NKAIN3: variants seen among roughly 807,000 people sequenced by gnomAD.
NKAIN3 encodes the protein sodium/potassium-transporting ATPase subunit beta-1-interacting protein 3.
A neutral mutation model predicts 30.2 loss-of-function variants in NKAIN3; 25 were observed. The observed-to-expected ratio is 0.83, with a 90% CI of 0.60 to 1.16. The LOEUF (loss-of-function observed/expected upper bound fraction) is 1.16, where lower values mean the gene tolerates loss of function less well. Ranked by LOEUF, NKAIN3 falls within the 50% of genes most tolerant of loss-of-function variation. NKAIN3 has a pLI of 0.00. For synonymous variants in NKAIN3, 91 were observed against 89.6 expected (o/e 1.02, Z -0.09); for missense variants, 225 against 254.1 (o/e 0.89, Z 0.78).
chr8:62,451,797 T>C (rs1382864171), intron 1 of NKAIN3, among the ~76,000 whole-genome samples: 1 of 152,194 alleles, frequency 6.6e-6, no homozygotes, highest in Non-Finnish European at 1.5e-5. Context: ...CAGATTTGTA[T>C]AATATTAAAG....
chr8:62,376,020 C>G (rs1434990424), intron 1 of NKAIN3, among the ~76,000 whole-genome samples: 3 of 152,182 alleles, frequency 2.0e-5, no homozygotes, highest in African/African-American at 7.2e-5. Context: ...TGCAATCTCT[C>G]TCCTAATGGT....
At chr8:62,924,325 C>T (rs527717655) in intron 5 of NKAIN3, among the ~76,000 whole-genome samples, 3 of 152,184 alleles carry the variant, frequency 2.0e-5, no homozygotes, top group Non-Finnish European at 4.4e-5. Flanking sequence ...TTGTGAGATG[C>T]TTTCACTGCA....
intron 1 of NKAIN3, among the ~76,000 whole-genome samples, chr8:62,321,279 C>A (rs577428294): frequency 1.3e-4 from 20 of 152,260 alleles, no homozygotes; most frequent in African/African-American, 4.8e-4. Flanking sequence ...TGGGTTCGAA[C>A]TTCCTCCTTT....
intron 2 of NKAIN3, among the ~76,000 whole-genome samples, chr8:62,585,843 T>C (rs556819137): frequency 5.9e-5 from 9 of 152,288 alleles, no homozygotes; most frequent in African/African-American, 2.2e-4. Context: ...AAAGCATTGT[T>C]GTAGAATCAG....
At chr8:62,286,125 A>C (rs1813372097) in intron 1 of NKAIN3, among the ~76,000 whole-genome samples, 1 of 152,180 alleles carries the variant, frequency 6.6e-6, no homozygotes, top group Admixed American at 6.6e-5. Flanking sequence ...TAAAGGAAGG[A>C]AGTGATCATT....
intron 3 of NKAIN3, among the ~76,000 whole-genome samples, chr8:62,711,133 A>G (rs1814704465): frequency 6.6e-6 from 1 of 152,022 alleles, no homozygotes. Flanking sequence ...TTTCCTTTAT[A>G]GGTTACCTGG....
intron 3 of NKAIN3, among the ~76,000 whole-genome samples, chr8:62,622,702 A>G (rs1429231956): frequency 6.6e-6 from 1 of 151,882 alleles, no homozygotes; most frequent in African/African-American, 2.4e-5. Context: ...TTTTGCAACT[A>G]TTTTCTCCCA....
chr8:62,801,953 C>T (rs530211454), intron 4 of NKAIN3, among the ~76,000 whole-genome samples: 3 of 152,106 alleles, frequency 2.0e-5, no homozygotes, highest in South Asian at 2.1e-4. Flanking sequence ...AGCCAAGGCT[C>T]GAGAACTATG....
chr8:62,329,485 A>G (rs75620226), intron 1 of NKAIN3, among the ~76,000 whole-genome samples: 5,060 of 152,134 alleles, frequency 0.033, 311 homozygotes, highest in African/African-American at 0.12. Context: ...TTCAGCTTAC[A>G]TTCCGCTCCT....
intron 1 of NKAIN3, among the ~76,000 whole-genome samples, chr8:62,553,394 C>T (rs905538307): frequency 4.6e-5 from 7 of 152,134 alleles, no homozygotes; most frequent in African/African-American, 1.7e-4. Flanking sequence ...ACCATTGTTA[C>T]ATTCCTTATT....
At chr8:62,588,403 A>G (rs1810544857) in intron 2 of NKAIN3, among the ~76,000 whole-genome samples, 1 of 151,874 alleles carries the variant, frequency 6.6e-6, no homozygotes, top group Admixed American at 6.6e-5. Flanking sequence ...TCATTATTAT[A>G]ATTGTATTAT....
intron 3 of NKAIN3, among the ~76,000 whole-genome samples, chr8:62,674,986 A>C (rs1000286554): frequency 5.9e-5 from 9 of 152,180 alleles, no homozygotes; most frequent in Non-Finnish European, 1.2e-4. Context: ...AGGCGTCCAC[A>C]TGAAGCGTCT....
chr8:62,954,218 AGTTGGT>A (rs1823359791), intron 6 of NKAIN3, among the ~76,000 whole-genome samples: 1 of 152,198 alleles, frequency 6.6e-6, no homozygotes, highest in African/African-American at 2.4e-5. Context: ...CCTTATCAAT[AGTTGGT>A]AACTACATTT....
intron 1 of NKAIN3, among the ~76,000 whole-genome samples, chr8:62,336,890 C>T (rs1250509505): frequency 6.6e-6 from 1 of 152,060 alleles, no homozygotes; most frequent in Non-Finnish European, 1.5e-5. Context: ...GTGGGCTGTA[C>T]TGTTTGTCAA....
At chr8:62,500,392 A>G (rs978186616) in intron 1 of NKAIN3, among the ~76,000 whole-genome samples, 6 of 151,442 alleles carry the variant, frequency 4.0e-5, no homozygotes, top group African/African-American at 9.7e-5. Context: ...ATAGAACTTT[A>G]TAATTTAAGG....
chr8:62,727,829 G>A (rs576088186), intron 3 of NKAIN3, among the ~76,000 whole-genome samples: 4 of 152,142 alleles, frequency 2.6e-5, no homozygotes, highest in East Asian at 3.9e-4. Flanking sequence ...TGTGGATATC[G>A]ATAAACTGTT....
intron 1 of NKAIN3, among the ~76,000 whole-genome samples, chr8:62,390,545 C>A (rs1028363312): frequency 1.3e-5 from 2 of 152,056 alleles, no homozygotes; most frequent in African/African-American, 4.8e-5. Flanking sequence ...ATTTATATTC[C>A]TTTGGGTAAT....
At chr8:62,893,724 G>T (rs1263749530) in intron 4 of NKAIN3, among the ~76,000 whole-genome samples, 1 of 152,112 alleles carries the variant, frequency 6.6e-6, no homozygotes, top group Non-Finnish European at 1.5e-5. Context: ...ATATATAACT[G>T]GGAAGGTAAA....
intron 1 of NKAIN3, among the ~76,000 whole-genome samples, chr8:62,531,996 C>A (rs1808504628): frequency 6.6e-6 from 1 of 152,198 alleles, no homozygotes; most frequent in Admixed American, 6.5e-5. Flanking sequence ...CTTACTCCAG[C>A]ATGTCTGGGA....
Sources: gnomAD v4.1 joint callset for allele counts (sites outside exome capture counted in the v4.1 genomes callset) on GRCh38, gnomAD v4.1.1 for gene constraint, MANE v1.5 for transcripts, NCBI Gene and HGNC (gene_info 2026-07-23, HGNC 2026-07-21) for gene names.